Variants in OSBP2 observed in about 807,000 individuals in gnomAD.
OSBP2 encodes the protein oxysterol-binding protein 2.
In OSBP2, 66 loss-of-function variants were observed where a neutral mutation model predicts 96.0. The ratio of observed to expected loss-of-function variants is 0.69; its 90% confidence interval spans 0.56 to 0.84. OSBP2 has a LOEUF of 0.84. OSBP2 is among the 40% of genes least tolerant of loss of function. The pLI is 0.00. For synonymous variants in OSBP2, 525 were observed against 520.9 expected (o/e 1.01, Z -0.11); for missense variants, 1,038 against 1,222.7 (o/e 0.85, Z 2.25).
chr22:30,874,006 G>A (rs1352745465), intron 3 of OSBP2, among the ~76,000 whole-genome samples: 1 of 152,228 alleles, frequency 6.6e-6, no homozygotes, highest in East Asian at 1.9e-4. Context: ...GGAGGCTGAG[G>A]TGGGTGGATC....
At chr22:30,830,665 T>A (rs2038502044) in intron 2 of OSBP2, among the ~76,000 whole-genome samples, 1 of 152,234 alleles carries the variant, frequency 6.6e-6, no homozygotes, top group South Asian at 2.1e-4. Flanking sequence ...GCACACATGC[T>A]TTGTTTTTGG....
At chr22:30,883,357 C>T (rs62235948) in intron 3 of OSBP2, among the ~76,000 whole-genome samples, 1 of 152,348 alleles carries the variant, frequency 6.6e-6, no homozygotes, top group East Asian at 1.9e-4. Flanking sequence ...CTCCCAGTCC[C>T]GGGATGCAGG....
chr22:30,710,623 T>A (rs978328625), intron 1 of OSBP2, among the ~76,000 whole-genome samples: 13 of 152,008 alleles, frequency 8.6e-5, no homozygotes, highest in African/African-American at 3.1e-4. Context: ...TAGTGTGTAT[T>A]TTTTTGAGAC....
At position 30,725,175 on chromosome 22, in the gene OSBP2, C is replaced by CAAAAACAA. The variant is rs1555908214; in HGVS notation, c.645-15964_645-15957dup. 6.6e-5 allele frequency among the ~76,000 whole-genome samples: 8 copies of CAAAAACAA among 120,932 alleles called. 1 individual carries two copies. Among genetic ancestry groups the CAAAAACAA allele is most frequent in the African/African-American group, 2.4e-4 (8 of 33,004 alleles). The allele number at this position is 120,932 out of a possible 152,430, so 79.3% of individuals were successfully genotyped here. A position where few individuals can be genotyped will look rare whatever the true frequency, so the allele number is the denominator to read the frequency against. On this transcript the variant is annotated intron_variant, in intron 1 of 13. Coordinates refer to ENST00000332585, the MANE Select transcript of OSBP2 (RefSeq NM_030758.4). ...TGGGTGACAGAGCAAGACTCTGTCT[C>CAAAAACAA]AAAAACAAAAAAACAAAAAAACAAA...
intron 8 of OSBP2, among the ~76,000 whole-genome samples, chr22:30,891,513 G>A (rs1015730283): frequency 7.2e-5 from 11 of 152,310 alleles, no homozygotes; most frequent in South Asian, 6.2e-4. Context: ...TGGTGCTGGC[G>A]TTGCCCTGGC....
chr22:30,870,753 C>A lies in OSBP2; in HGVS notation c.1107+71C>A. Reference sequence around the variant, plus strand: ...AGCCCCGGGGTCCCTCGGTGGGTGACCAGGGTCAGCTTGAAGGGTCAGCGT... The same window carrying A: ...AGCCCCGGGGTCCCTCGGTGGGTGAACAGGGTCAGCTTGAAGGGTCAGCGT... On this transcript the variant is annotated intron_variant, in intron 3 of 13. Coordinates refer to ENST00000332585, the MANE Select transcript of OSBP2 (RefSeq NM_030758.4). The surrounding 1 kb of genome is among the most constrained non-coding windows in gnomAD (Gnocchi z 4.1). 6.6e-7 allele frequency: 1 copy of A among 1,521,702 alleles called. No individual in the cohort carries two copies. 94.3% of individuals were successfully genotyped at this position (1,521,702 alleles called of 1,614,324 possible).
intron 12 of OSBP2, among the ~76,000 whole-genome samples, chr22:30,894,643 C>T (rs182075518): frequency 2.9e-4 from 44 of 152,282 alleles, no homozygotes; most frequent in African/African-American, 9.4e-4. Context: ...GCGAGAGTCC[C>T]AAAAGGAAAG....
rs565961123 is a variant in OSBP2, at chr22:30,817,248, G to A, written c.854-53181G>A. Among the ~76,000 whole-genome samples the A allele has an allele frequency of 3.9e-5, 6 of 152,320 alleles. No individual in the cohort carries two copies. In the South Asian group the frequency reaches 1.2e-3, roughly 32 times the overall value. On this transcript the variant is annotated intron_variant, in intron 2 of 13. Transcript: ENST00000332585. Reference sequence around the variant, plus strand: ...CTGCTTTAAAGGGCTTCATTCTTAAGATAGCCCCACAAGGACCATGTATGC... The same window carrying A: ...CTGCTTTAAAGGGCTTCATTCTTAAAATAGCCCCACAAGGACCATGTATGC...
In OSBP2 at chr22:30,870,498, A is replaced by C. The variant is rs758240961; in HGVS notation, c.923A>C (p.Asn308Thr). The change falls in exon 3 of 14, where the codon AAT (asparagine) becomes ACT (threonine). Residue 308 changes from asparagine to threonine, a missense_variant. Asn to Thr is a moderately conservative substitution (Grantham distance 65). Around this residue, in one of 3 missense-constraint regions of OSBP2, gnomAD observed 737 missense variants for 913.3 expected, o/e 0.81. Transcript: ENST00000332585. The surrounding 1 kb of genome is among the most constrained non-coding windows in gnomAD (Gnocchi z 4.1). ...AGCGAGCTGCACCACACCCTGAAGA[A>C]TCTTTCCCTGAAGTTAGATGACCTC... is the stretch of plus-strand genomic sequence containing the variant. ...DKSELHHTLK[N>T]LSLKLDDLST... 3 of 1,614,012 alleles carry C rather than the reference A, an allele frequency of 1.9e-6. No homozygotes were observed. The Admixed American group carries it at 5.0e-5, about 27-fold the overall frequency.
intron 12 of OSBP2, among the ~76,000 whole-genome samples, chr22:30,901,843 G>A (rs1171666537): frequency 1.3e-5 from 2 of 152,106 alleles, no homozygotes; most frequent in East Asian, 1.9e-4. Context: ...CAGCCTGGAC[G>A]ACGAGTGAAA....
rs1365009242 is a variant in OSBP2 at position 30,799,072 on chromosome 22, C to CCTTG, written c.853+57706_853+57707insGCTT. On this transcript the variant is annotated intron_variant, in intron 2 of 13. Coordinates refer to ENST00000332585, the MANE Select transcript of OSBP2 (RefSeq NM_030758.4). The stretch of plus-strand genomic sequence containing the variant: ...CATGCAAAGGTTTCCTTCCTTCCTT[C>CCTTG]CTTCCTTCCTTCCTTCCTTCCTTCC... Among the ~76,000 whole-genome samples the CCTTG allele has an allele frequency of 2.1e-5, 3 of 145,382 alleles. No homozygotes were observed. In the East Asian group the frequency reaches 6.2e-4, roughly 30 times the overall value.
At chr22:30,858,914 A>AT (rs201632027) in intron 2 of OSBP2, among the ~76,000 whole-genome samples, 198 of 146,662 alleles carry the variant, frequency 1.4e-3, no homozygotes, top group African/African-American at 4.3e-3. Context: ...AATAATAATA[A>AT]AAGCATTCCC....
At chr22:30,828,465 G>A (rs997705300) in intron 2 of OSBP2, among the ~76,000 whole-genome samples, 3 of 152,206 alleles carry the variant, frequency 2.0e-5, no homozygotes, top group African/African-American at 7.2e-5. Flanking sequence ...GCATGGCCCT[G>A]GCTGCCCACA....
chr22:30,760,216 T>G (rs1177772093), intron 2 of OSBP2, among the ~76,000 whole-genome samples: 1 of 150,710 alleles, frequency 6.6e-6, no homozygotes, highest in East Asian at 2.0e-4. Flanking sequence ...CAGGCTGGTC[T>G]CAAACTCCTG....
chr22:30,830,218 T>C (rs549986591), intron 2 of OSBP2, among the ~76,000 whole-genome samples: 4 of 152,366 alleles, frequency 2.6e-5, no homozygotes, highest in African/African-American at 4.8e-5. Context: ...AATGAAGTTA[T>C]GGGCTTTGGG....
chr22:30,843,633 G>A (rs2038804538), intron 2 of OSBP2, among the ~76,000 whole-genome samples: 1 of 152,124 alleles, frequency 6.6e-6, no homozygotes, highest in South Asian at 2.1e-4. Context: ...GGAGGCCAAG[G>A]AGGGCAGATC....
intron 1 of OSBP2, among the ~76,000 whole-genome samples, chr22:30,717,162 G>A (rs572652203): frequency 1.4e-5 from 2 of 143,028 alleles, no homozygotes; most frequent in East Asian, 2.2e-4. Flanking sequence ...TGTTGCTCAG[G>A]CTGATCTTGA....
At chr22:30,876,228 G>T (rs1038776951) in intron 3 of OSBP2, among the ~76,000 whole-genome samples, 1 of 152,254 alleles carries the variant, frequency 6.6e-6, no homozygotes. Flanking sequence ...AGGTCTTTCT[G>T]CTCTGGCCAG....
chr22:30,792,989 A>C (rs2090698757), intron 2 of OSBP2, among the ~76,000 whole-genome samples: 1 of 152,254 alleles, frequency 6.6e-6, no homozygotes, highest in African/African-American at 2.4e-5. Context: ...ATTTTAATCC[A>C]AGACTATCTG....
Sources: gnomAD v4.1 joint callset for allele counts (sites outside exome capture counted in the v4.1 genomes callset) on GRCh38, gnomAD v4.1.1 for gene constraint, gnomAD v4.1.1 regional missense constraint, Gnocchi (gnomAD v3.1) non-coding constraint, MANE v1.5 for transcripts, NCBI Gene and HGNC (gene_info 2026-07-23, HGNC 2026-07-21) for gene names.